Variants in DIAPH2 observed in about 807,000 individuals in gnomAD.
The protein encoded by DIAPH2 is diaphanous related formin 2.
DIAPH2 carries 35 observed loss-of-function variants against 92.7 expected under a neutral mutation model. The ratio of observed to expected loss-of-function variants is 0.38; its 90% CI spans 0.29 to 0.50. DIAPH2 has a LOEUF of 0.50. Among genes scored for constraint, DIAPH2 ranks in the 20% least tolerant of loss-of-function variants. The pLI is 0.94. For synonymous variants in DIAPH2, 301 were observed against 280.4 expected (o/e 1.07, Z -0.73); for missense variants, 701 against 819.5 (o/e 0.86, Z 1.77).
At chrX:97,068,291 T>C (rs2066646455) in intron 17 of DIAPH2, among the ~76,000 whole-genome samples, 1 of 111,777 alleles carries the variant, frequency 8.9e-6, no homozygotes, top group Admixed American at 9.5e-5. Flanking sequence ...TAAAGTGGTA[T>C]AAAAATTAAT....
chrX:97,472,198 A>G (rs145423871), intron 26 of DIAPH2, among the ~76,000 whole-genome samples: 1 of 112,330 alleles, frequency 8.9e-6, no homozygotes, highest in Admixed American at 9.4e-5. Flanking sequence ...TTGAAAATTC[A>G]TGCTGTGCTC....
intron 23 of DIAPH2, among the ~76,000 whole-genome samples, chrX:97,260,514 G>C (rs905182748): frequency 2.7e-5 from 3 of 112,175 alleles, no homozygotes; most frequent in Non-Finnish European, 5.6e-5. Flanking sequence ...TCAAATGTTT[G>C]ACAGTTTGGT....
At chrX:97,053,179 G>C (rs1169139989) in intron 17 of DIAPH2, among the ~76,000 whole-genome samples, 1 of 110,919 alleles carries the variant, frequency 9.0e-6, no homozygotes, top group Non-Finnish European at 1.9e-5. Context: ...CCCCATACTT[G>C]AGGCCTTGAA....
chrX:97,252,833 C>CT (rs1372869291), intron 23 of DIAPH2, among the ~76,000 whole-genome samples: 2 of 111,264 alleles, frequency 1.8e-5, no homozygotes, highest in Non-Finnish European at 3.8e-5. Context: ...ACCTCTGACT[C>CT]TCTCCTTACC....
intron 22 of DIAPH2, among the ~76,000 whole-genome samples, chrX:97,170,885 TTA>T (rs1340060871): frequency 1.8e-5 from 2 of 110,563 alleles, no homozygotes; most frequent in Non-Finnish European, 3.8e-5. Flanking sequence ...ATTTATTTAT[TTA>T]TTTTTTTGAG....
chrX:97,305,997 A>C (rs2077100950), intron 23 of DIAPH2, among the ~76,000 whole-genome samples: 1 of 109,302 alleles, frequency 9.1e-6, no homozygotes, highest in Non-Finnish European at 1.9e-5. Flanking sequence ...TGGCCCCAGA[A>C]AAAGGTTTGC....
At chrX:97,077,511 G>A (rs1444188913) in intron 19 of DIAPH2, among the ~76,000 whole-genome samples, 1 of 111,747 alleles carries the variant, frequency 8.9e-6, no homozygotes, top group African/African-American at 3.2e-5. Context: ...ATGTAGCATG[G>A]TTGTCTCCTC....
chrX:97,244,873 A>C (rs966586892), intron 22 of DIAPH2, among the ~76,000 whole-genome samples: 1 of 111,482 alleles, frequency 9.0e-6, no homozygotes, highest in Non-Finnish European at 1.9e-5. Context: ...GGTGGATCAC[A>C]AGGTCAGGAG....
At chrX:97,152,319 G>A (rs1466382532) in intron 22 of DIAPH2, among the ~76,000 whole-genome samples, 3 of 111,658 alleles carry the variant, frequency 2.7e-5, no homozygotes. Flanking sequence ...GCTGGAATTT[G>A]GATTCTACAA....
intron 23 of DIAPH2, among the ~76,000 whole-genome samples, chrX:97,342,689 G>A (rs1480136823): frequency 2.7e-5 from 3 of 111,991 alleles, no homozygotes; most frequent in African/African-American, 9.8e-5. Context: ...ATATTTTTAA[G>A]TAGGGAAAGG....
rs749513497 is a variant in DIAPH2, at chrX:96,794,280, A to G, written c.447+36022A>G. Among the ~76,000 whole-genome samples, 4 of 111,576 alleles carry G rather than the reference A, an allele frequency of 3.6e-5. No homozygotes were observed. In the South Asian group the frequency reaches 1.5e-3, roughly 42 times the overall value. Reference sequence around the variant, plus strand: ...TATTACATTGGGATTAGGTTTCAAAATAAATTTTGGGGAGACATAAACATT... The same window carrying G: ...TATTACATTGGGATTAGGTTTCAAAGTAAATTTTGGGGAGACATAAACATT... On this transcript the variant is annotated intron_variant, in intron 4 of 26. Coordinates refer to ENST00000324765, the MANE Select transcript of DIAPH2 (RefSeq NM_006729.5).
rs755903132 is a variant in DIAPH2 at position 97,348,226 on chromosome X, A to G, written c.2955A>G (p.Thr985=). The G allele has an allele frequency of 8.3e-6, 10 of 1,211,220 alleles. No individual in the cohort carries two copies. The highest frequency in any genetic ancestry group is 2.2e-5 in the Admixed American group (1 of 45,962). The change falls in exon 24 of 27, where the codon ACA becomes ACG. Residue 985 remains threonine, a synonymous_variant. Coordinates refer to ENST00000324765, the MANE Select transcript of DIAPH2 (RefSeq NM_006729.5). ...LGEYFIFDSK[T]VSIEEFFGDL... is the part of the protein sequence containing the mutation. ...AATACTTCATTTTTGACTCAAAGAC[A>G]GTGAGCATAGAAGAGTTCTTTGGTG...
chrX:97,512,476 AT>A (rs2070906078), intron 26 of DIAPH2, among the ~76,000 whole-genome samples: 1 of 111,867 alleles, frequency 8.9e-6, no homozygotes, highest in African/African-American at 3.3e-5. Context: ...GGATTCATTA[AT>A]TTTTTGAAGG....
chrX:97,041,513 T>C (rs16982272), intron 17 of DIAPH2, among the ~76,000 whole-genome samples: 5,049 of 111,141 alleles, frequency 0.045, 296 homozygotes, highest in African/African-American at 0.16. Flanking sequence ...TTAGAAGCTG[T>C]CAGCGGTATT....
In DIAPH2 at chrX:97,091,285, T is replaced by C. The variant is rs769319244; in HGVS notation, c.2248-8409T>C. ...TCTGTTTATTTTATTTATTTTAATT[T>C]ATTATAATTATTTTTAGAGACAGGG... On this transcript the variant is annotated intron_variant, in intron 19 of 26. Coordinates refer to ENST00000324765, the MANE Select transcript of DIAPH2 (RefSeq NM_006729.5). Among the ~76,000 whole-genome samples, 9 of 111,242 alleles carry C rather than the reference T, an allele frequency of 8.1e-5. No individual in the cohort carries two copies. In the South Asian group the frequency reaches 1.1e-3, roughly 14 times the overall value.
rs141622082 is a variant in DIAPH2, at chrX:97,574,745, A to G, written c.3242-24508A>G. 6.2e-5 allele frequency among the ~76,000 whole-genome samples: 7 copies of G among 112,563 alleles called. No homozygotes were observed. In the East Asian group the frequency reaches 2.0e-3, roughly 31 times the overall value. ...GATGAATAGTCATGATAGGCCATGT[A>G]TAATTAGTTCGATTATTTTACTACA... is the stretch of plus-strand genomic sequence containing the variant. On this transcript the variant is annotated intron_variant, in intron 26 of 26. Transcript: ENST00000324765.
chrX:97,039,191 TA>T (rs1818296827), intron 17 of DIAPH2, among the ~76,000 whole-genome samples: 1 of 111,690 alleles, frequency 9.0e-6, no homozygotes, highest in Non-Finnish European at 1.9e-5. Context: ...TAAATAGCTT[TA>T]TTACATATTG....
chrX:96,890,607 GC>G (rs774692976), intron 5 of DIAPH2, among the ~76,000 whole-genome samples: 1 of 110,674 alleles, frequency 9.0e-6, no homozygotes, highest in East Asian at 2.8e-4. Flanking sequence ...TTTTTGTTCA[GC>G]CCCTCGTAAA....
intron 24 of DIAPH2, among the ~76,000 whole-genome samples, chrX:97,351,043 T>C (rs145797953): frequency 8.9e-6 from 1 of 112,480 alleles, no homozygotes; most frequent in Non-Finnish European, 1.9e-5. Context: ...TGACCAGCCA[T>C]TGCTATCTTT....
Sources: allele counts gnomAD v4.1 joint callset (sites outside exome capture counted in the v4.1 genomes callset), GRCh38; gene constraint gnomAD v4.1.1; transcripts MANE v1.5; gene names NCBI Gene and HGNC (gene_info 2026-07-23, HGNC 2026-07-21).